FBXW2: variants seen among roughly 807,000 people sequenced by gnomAD.
The protein encoded by FBXW2 is F-box and WD repeat domain containing 2.
Under a neutral mutation model 46.0 loss-of-function variants are expected in FBXW2, and 12 were observed. The observed-to-expected ratio is 0.26, with a 90% CI of 0.17 to 0.42. The LOEUF is 0.42. Ranked by LOEUF, FBXW2 falls within the 10% of genes least tolerant of loss-of-function variation. FBXW2 has a pLI of 1.00. For synonymous variants in FBXW2, 203 were observed against 209.6 expected, an observed-to-expected ratio of 0.97 and a Z score of 0.27; for missense variants, 360 against 537.0, an observed-to-expected ratio of 0.67 and a Z score of 3.26.
Position 120,793,361 on chromosome 9 carries a change from T to C in FBXW2, c.-137A>G, listed in dbSNP as rs945342106. On this transcript the variant is annotated 5_prime_UTR_variant, in exon 1 of 8. Coordinates refer to ENST00000608872, the MANE Select transcript of FBXW2 (RefSeq NM_012164.4). ...CCCGCCTCGCATACAGACCCGGACC[T>C]GCGGCCGCTGCTCCCGGTCCGCAGC... 5.0e-6 allele frequency: 2 copies of C among 401,962 alleles called. No individual in the cohort carries two copies. Among genetic ancestry groups the C allele is most frequent in the Non-Finnish European group, 8.8e-6 (2 of 228,066 alleles). 24.9% of individuals were successfully genotyped at this position (401,962 alleles called of 1,614,324 possible).
rs901028872 is a variant in FBXW2, at chr9:120,793,364, G to A, written c.-140C>T. The A allele has an allele frequency of 5.2e-5, 21 of 401,330 alleles. No individual in the cohort carries two copies. Among genetic ancestry groups the A allele is most frequent in the African/African-American group, 2.1e-4 (10 of 48,612 alleles). The allele number at this position is 401,330 out of a possible 1,614,324, so 24.9% of individuals were successfully genotyped here. A position where few individuals can be genotyped will look rare whatever the true frequency, so the allele number is the denominator to read the frequency against. On this transcript the variant is annotated 5_prime_UTR_variant, in exon 1 of 8. Coordinates refer to ENST00000608872, the MANE Select transcript of FBXW2 (RefSeq NM_012164.4). Reference sequence around the variant, plus strand: ...GCCTCGCATACAGACCCGGACCTGCGGCCGCTGCTCCCGGTCCGCAGCCTC... The same window carrying A: ...GCCTCGCATACAGACCCGGACCTGCAGCCGCTGCTCCCGGTCCGCAGCCTC...
intron 3 of FBXW2, among the ~76,000 whole-genome samples, chr9:120,778,801 T>C (rs1375639148): frequency 6.6e-6 from 1 of 152,184 alleles, no homozygotes; most frequent in African/African-American, 2.4e-5. Context: ...CTACAGAAGG[T>C]CATTAGACTA....
rs143933834 is a variant in FBXW2, at chr9:120,785,731, G to A, written c.490+2038C>T. The stretch of plus-strand genomic sequence containing the variant: ...TCAATCTATCTGGAAAGGGCACTAA[G>A]AAGAGCTATAAAATTGGGCCGGGCA... On this transcript the variant is annotated intron_variant, in intron 3 of 7. Transcript: ENST00000608872. 5.7e-3 allele frequency among the ~76,000 whole-genome samples: 860 copies of A among 152,138 alleles called. 10 individuals carry two copies. Among genetic ancestry groups the A allele is most frequent in the African/African-American group, 0.017 (695 of 41,514 alleles).
Position 120,776,726 on chromosome 9 carries a change from A to C in FBXW2, c.686-500T>G, listed in dbSNP as rs552497461. On this transcript the variant is annotated intron_variant, in intron 4 of 7. Transcript: ENST00000608872. ...AGGTTAGATTAAGCCATTAACTCAAAAGTGTCTGAATTTCTTCACAGCTGT... is the reference window on the plus strand; with the variant it reads ...AGGTTAGATTAAGCCATTAACTCAACAGTGTCTGAATTTCTTCACAGCTGT... The C allele has an allele frequency of 1.2e-4, 18 of 154,136 alleles. No individual in the cohort carries two copies. In the South Asian group the frequency reaches 3.2e-3, roughly 28 times the overall value. The allele number at this position is 154,136 out of a possible 1,614,324, so 9.5% of individuals were successfully genotyped here. A position where few individuals can be genotyped will look rare whatever the true frequency, so the allele number is the denominator to read the frequency against.
intron 1 of FBXW2, 33 bp downstream of exon 1, chr9:120,793,321 C>T (rs1436353833): frequency 4.6e-6 from 2 of 430,980 alleles, no homozygotes; most frequent in Non-Finnish European, 8.2e-6. Flanking sequence ...CCTAAGAGTC[C>T]CCTCCCCGAC....
At chr9:120,768,650 A>C (rs1158568622) in intron 7 of FBXW2, among the ~76,000 whole-genome samples, 1 of 152,066 alleles carries the variant, frequency 6.6e-6, no homozygotes, top group Non-Finnish European at 1.5e-5. Context: ...ATGAAACCCC[A>C]TCGCTACTAA....
chr9:120,777,733 C>G (rs1425079369), intron 4 of FBXW2, among the ~76,000 whole-genome samples: 3 of 104,398 alleles, frequency 2.9e-5, no homozygotes, highest in African/African-American at 1.1e-4. Context: ...AAAAAAAAAG[C>G]AACAGAGAGA....
rs1554804467 is a variant in FBXW2, at chr9:120,761,811, G to GC, written c.*2747_*2748insG. ...TGTATGACAGAGCAAGACTGCCTAG[G>GC]AAAAAAAAAAAATTCCAGCGGCACC... On this transcript the variant is annotated 3_prime_UTR_variant, in exon 8 of 8. Transcript: ENST00000608872. 1.4e-5 allele frequency: 2 copies of GC among 144,448 alleles called. No individual in the cohort carries two copies. Among genetic ancestry groups the GC allele is most frequent in the Non-Finnish European group, 3.0e-5 (2 of 65,596 alleles). The allele number at this position is 144,448 out of a possible 1,614,324, so 8.9% of individuals were successfully genotyped here.
chr9:120,764,210 T>C lies in FBXW2; in HGVS notation c.*349A>G, dbSNP rs1485269364. On this transcript the variant is annotated 3_prime_UTR_variant, in exon 8 of 8. Coordinates refer to ENST00000608872, the MANE Select transcript of FBXW2 (RefSeq NM_012164.4). Reference sequence around the variant, plus strand: ...TTTAATAACAGACAATGTGATTTCATAGGCAACCAATTAGCAGATTAATGG... The same window carrying C: ...TTTAATAACAGACAATGTGATTTCACAGGCAACCAATTAGCAGATTAATGG... 5 of 402,294 alleles carry C rather than the reference T, an allele frequency of 1.2e-5. No homozygotes were observed. The highest frequency in any genetic ancestry group is 2.0e-5 in the African/African-American group (1 of 48,872). 24.9% of individuals were successfully genotyped at this position (402,294 alleles called of 1,614,324 possible). A position where few individuals can be genotyped will look rare whatever the true frequency, so the allele number is the denominator to read the frequency against.
At position 120,774,078 on chromosome 9, in the gene FBXW2, G is replaced by A. The variant is rs201583964; in HGVS notation, c.820-1238C>T. 1.6e-4 allele frequency among the ~76,000 whole-genome samples: 24 copies of A among 152,112 alleles called. No individual in the cohort carries two copies. In the East Asian group the frequency reaches 4.4e-3, roughly 28 times the overall value. ...CAGCTGGGCACGGTGGCTCACGCCT[G>A]TAATCTCAGCATTTTGGGAGGCCGA... On this transcript the variant is annotated intron_variant, in intron 5 of 7. Transcript: ENST00000608872.
At chr9:120,782,927 C>A (rs1588044883) in intron 3 of FBXW2, among the ~76,000 whole-genome samples, 1 of 152,070 alleles carries the variant, frequency 6.6e-6, no homozygotes, top group Non-Finnish European at 1.5e-5. Flanking sequence ...ACTGTTTATA[C>A]AGTTAACACT....
At chr9:120,772,935 T>C in intron 5 of FBXW2, 95 bp from the exon 6 acceptor site, 3 of 828,482 alleles carry the variant, frequency 3.6e-6, no homozygotes, top group Non-Finnish European at 5.9e-6. Flanking sequence ...GAGCTTAACA[T>C]ATGCTAGAAT....
chr9:120,772,861 A>T (rs752532249), intron 5 of FBXW2, 21 bp from the exon 6 acceptor site: 3 of 1,547,104 alleles, frequency 1.9e-6, no homozygotes, highest in Non-Finnish European at 2.7e-6. Context: ...AAACCATGTT[A>T]CGGAAAGATC....
chr9:120,778,245 G>T, intron 4 of FBXW2, 106 bp downstream of exon 4: 1 of 969,544 alleles, frequency 1.0e-6, no homozygotes, highest in Non-Finnish European at 1.5e-6. Context: ...AAAGAGGGTT[G>T]AAAAAAGCAG....
intron 2 of FBXW2, chr9:120,792,342 C>T (rs1362856204): frequency 8.7e-6 from 1 of 114,716 alleles, no homozygotes; most frequent in Non-Finnish European, 2.0e-5. Context: ...TCATTTCCCC[C>T]TTTTCTTATC....
intron 3 of FBXW2, among the ~76,000 whole-genome samples, chr9:120,787,061 C>T (rs552185020): frequency 4.6e-5 from 7 of 152,280 alleles, no homozygotes; most frequent in African/African-American, 1.2e-4. Context: ...TGGAGTCTCA[C>T]TCTGTCACCC....
At chr9:120,772,500 C>CAA (rs1554806664) in intron 6 of FBXW2, among the ~76,000 whole-genome samples, 6 of 151,870 alleles carry the variant, frequency 4.0e-5, no homozygotes, top group Non-Finnish European at 8.8e-5. Flanking sequence ...CAAAAAAAAA[C>CAA]CAACAACAAA....
chr9:120,786,847 A>T (rs2044733545), intron 3 of FBXW2, among the ~76,000 whole-genome samples: 1 of 152,190 alleles, frequency 6.6e-6, no homozygotes, highest in Non-Finnish European at 1.5e-5. Flanking sequence ...CACGTCCATT[A>T]CAAATGGAAA....
At chr9:120,771,813 C>T (rs1234830244) in intron 6 of FBXW2, among the ~76,000 whole-genome samples, 1 of 152,102 alleles carries the variant, frequency 6.6e-6, no homozygotes, top group East Asian at 1.9e-4. Context: ...AATCCCAGCA[C>T]TTTGGGAGGC....
Sources: allele counts gnomAD v4.1 joint callset (sites outside exome capture counted in the v4.1 genomes callset), GRCh38; gene constraint gnomAD v4.1.1; transcripts MANE v1.5; gene names NCBI Gene and HGNC (gene_info 2026-07-23, HGNC 2026-07-21).